The following GRK5 variants were observed in gnomAD, a reference collection of about 807,000 sequenced individuals.
The protein encoded by GRK5 is g protein-coupled receptor kinase GRK5.
GRK5 carries 40 observed loss-of-function variants against 78.4 expected under a neutral mutation model. The ratio of observed to expected loss-of-function variants is 0.51; its 90% CI spans 0.40 to 0.66. The LOEUF (loss-of-function observed/expected upper bound fraction) is 0.66. Ranked by LOEUF, GRK5 falls within the 30% of genes least tolerant of loss-of-function variation. GRK5 has a pLI of 0.00. For missense variants in GRK5, 598 were observed against 759.9 expected, an observed-to-expected ratio of 0.79 and a Z score of 2.50; for synonymous variants, 289 against 296.8, an observed-to-expected ratio of 0.97 and a Z score of 0.27.
intron 12 of GRK5, among the ~76,000 whole-genome samples, chr10:119,447,132 G>T (rs548663601): frequency 6.6e-6 from 1 of 152,294 alleles, no homozygotes; most frequent in South Asian, 2.1e-4. Context: ...GCTGGCCATG[G>T]CTAGTCAAGG....
rs566394661 is a variant in GRK5, at chr10:119,336,370, C to G, written c.148+9759C>G. 2.0e-5 allele frequency among the ~76,000 whole-genome samples: 3 copies of G among 152,104 alleles called. No homozygotes were observed. The highest frequency in any genetic ancestry group is 4.4e-5 in the Non-Finnish European group (3 of 68,034). On this transcript the variant is annotated intron_variant, in intron 2 of 15. Coordinates refer to ENST00000392870, the MANE Select transcript of GRK5 (RefSeq NM_005308.3). The surrounding 1 kb of genome is among the most constrained non-coding windows in gnomAD (Gnocchi z 4.5). ...TGTGTCATCTAGAAGCCTGCAGCCCCGAGTCCTAACAATGGTTACCCCCAG... is the reference window on the plus strand; with the variant it reads ...TGTGTCATCTAGAAGCCTGCAGCCCGGAGTCCTAACAATGGTTACCCCCAG...
chr10:119,268,322 G>C (rs1849533962), intron 1 of GRK5, among the ~76,000 whole-genome samples: 1 of 152,210 alleles, frequency 6.6e-6, no homozygotes, highest in Admixed American at 6.5e-5. Flanking sequence ...TTTGCATGCA[G>C]TGTTTTCCGG....
chr10:119,316,155 T>A (rs1465450568), intron 1 of GRK5, among the ~76,000 whole-genome samples: 1 of 152,212 alleles, frequency 6.6e-6, no homozygotes. Flanking sequence ...ACCCAGGGGC[T>A]TCTGCTCTGA....
intron 3 of GRK5, among the ~76,000 whole-genome samples, chr10:119,396,468 G>A (rs1332043066): frequency 6.6e-6 from 1 of 152,200 alleles, no homozygotes; most frequent in Non-Finnish European, 1.5e-5. Context: ...CAGTCTGCAT[G>A]GAGCACCGCC....
chr10:119,309,436 G>A (rs1008268162), intron 1 of GRK5, among the ~76,000 whole-genome samples: 1 of 152,206 alleles, frequency 6.6e-6, no homozygotes, highest in Non-Finnish European at 1.5e-5. Flanking sequence ...CAATGGGAGT[G>A]TTGAGGGAGG....
intron 2 of GRK5, among the ~76,000 whole-genome samples, chr10:119,331,625 G>A (rs1288347712): frequency 1.3e-5 from 2 of 152,208 alleles, no homozygotes; most frequent in Non-Finnish European, 2.9e-5. Context: ...GTGAGGTGGT[G>A]CCATGAGAAG....
intron 15 of GRK5, 147 bp downstream of exon 15, chr10:119,453,423 C>T (rs1564942225): frequency 1.1e-6 from 1 of 900,832 alleles, no homozygotes; most frequent in East Asian, 2.6e-5. Flanking sequence ...CTGATTATGT[C>T]CAAGGCCCCT....
rs1175450090 is a variant in GRK5 at position 119,378,948 on chromosome 10, C to T, written c.149-1867C>T. ...ACTAAGTGACGTGTCCATCCGTGACCGTAGCACTGTGGCCAGGAGACAGAG... is the reference window on the plus strand; with the variant it reads ...ACTAAGTGACGTGTCCATCCGTGACTGTAGCACTGTGGCCAGGAGACAGAG... On this transcript the variant is annotated intron_variant, in intron 2 of 15. Transcript: ENST00000392870. The surrounding 1 kb of genome is among the most constrained non-coding windows in gnomAD (Gnocchi z 4.5). Among the ~76,000 whole-genome samples the T allele has an allele frequency of 2.6e-5, 4 of 152,248 alleles. No individual in the cohort carries two copies. The highest frequency in any genetic ancestry group is 6.5e-5 in the Admixed American group (1 of 15,300).
chr10:119,283,877 C>T (rs2133693119), intron 1 of GRK5, among the ~76,000 whole-genome samples: 1 of 152,340 alleles, frequency 6.6e-6, no homozygotes, highest in Admixed American at 6.5e-5. Context: ...GTCCCCAGAG[C>T]CTGGCATGTC....
Position 119,454,584 on chromosome 10 carries a change from G to T in GRK5, c.1675-385G>T, listed in dbSNP as rs561609603. Among the ~76,000 whole-genome samples the T allele has an allele frequency of 2.0e-5, 3 of 152,310 alleles. No homozygotes were observed. In the South Asian group the frequency reaches 6.2e-4, roughly 32 times the overall value. Reference sequence around the variant, plus strand: ...TATGAGGCCCCATTGTATCCTCCCAGCCACCCTGTGCGGAAGCTGCTCTTC... The same window carrying T: ...TATGAGGCCCCATTGTATCCTCCCATCCACCCTGTGCGGAAGCTGCTCTTC... On this transcript the variant is annotated intron_variant, in intron 15 of 15. Coordinates refer to ENST00000392870, the MANE Select transcript of GRK5 (RefSeq NM_005308.3).
intron 2 of GRK5, among the ~76,000 whole-genome samples, chr10:119,340,177 GAGTGC>G (rs1307995148): frequency 1.3e-5 from 2 of 152,028 alleles, no homozygotes; most frequent in African/African-American, 4.8e-5. Context: ...ACCCATTCTG[GAGTGC>G]AGTGATGCAG....
At chr10:119,279,613 G>A (rs368984787) in intron 1 of GRK5, among the ~76,000 whole-genome samples, 30 of 152,358 alleles carry the variant, frequency 2.0e-4, no homozygotes, top group East Asian at 9.6e-4. Context: ...AAAACGTGCC[G>A]TGGTTCTCAA....
intron 2 of GRK5, among the ~76,000 whole-genome samples, chr10:119,354,460 G>C (rs2085184): frequency 0.038 from 5,250 of 136,916 alleles, 185 homozygotes; most frequent in African/African-American, 0.1. Flanking sequence ...GGAGTGCAGT[G>C]GCGCAATCAT....
intron 1 of GRK5, among the ~76,000 whole-genome samples, chr10:119,290,783 C>G (rs780485006): frequency 9.2e-5 from 14 of 152,014 alleles, no homozygotes; most frequent in Non-Finnish European, 1.8e-4. Flanking sequence ...TGTGTGTAGC[C>G]TTCTGCTCAC....
chr10:119,408,043 T>C (rs1271939349), intron 4 of GRK5, among the ~76,000 whole-genome samples: 2 of 151,520 alleles, frequency 1.3e-5, no homozygotes, highest in Non-Finnish European at 1.5e-5. Flanking sequence ...GATGCCTGTA[T>C]TCCCAGCTAC....
At chr10:119,220,767 G>A (rs942778564) in intron 1 of GRK5, among the ~76,000 whole-genome samples, 27 of 151,916 alleles carry the variant, frequency 1.8e-4, no homozygotes, top group South Asian at 6.2e-4. Context: ...CCCGGGAGGC[G>A]GAGGTTGTGG....
At chr10:119,321,629 A>G (rs1159355712) in intron 1 of GRK5, among the ~76,000 whole-genome samples, 1 of 152,182 alleles carries the variant, frequency 6.6e-6, no homozygotes, top group Non-Finnish European at 1.5e-5. Flanking sequence ...TGTCCCTATC[A>G]TTATCCATAA....
intron 1 of GRK5, among the ~76,000 whole-genome samples, chr10:119,293,257 C>T (rs970281362): frequency 2.0e-5 from 3 of 152,222 alleles, no homozygotes; most frequent in African/African-American, 4.8e-5. Flanking sequence ...CCGTGGCTCA[C>T]ACCTGTGATT....
At chr10:119,309,885 A>T (rs1056731637) in intron 1 of GRK5, among the ~76,000 whole-genome samples, 2 of 152,184 alleles carry the variant, frequency 1.3e-5, no homozygotes, top group Non-Finnish European at 2.9e-5. Flanking sequence ...TCAGCCTCTC[A>T]GCAGCTGTGT....
Sources: allele counts gnomAD v4.1 joint callset (sites outside exome capture counted in the v4.1 genomes callset), GRCh38; gene constraint gnomAD v4.1.1; non-coding constraint Gnocchi (gnomAD v3.1); transcripts MANE v1.5; gene names NCBI Gene and HGNC (gene_info 2026-07-23, HGNC 2026-07-21).